HSPG2: variants seen among roughly 807,000 people sequenced by gnomAD.
The protein encoded by HSPG2 is basement membrane-specific heparan sulfate proteoglycan core protein.
HSPG2 carries 278 observed loss-of-function variants against 526.6 expected under a neutral mutation model. The observed-to-expected ratio is 0.53, with a 90% CI of 0.48 to 0.58. The LOEUF (loss-of-function observed/expected upper bound fraction) is 0.58, where lower values mean the gene tolerates loss of function less well. Ranked by LOEUF, HSPG2 falls within the 20% of genes least tolerant of loss-of-function variation. HSPG2 has a pLI of 0.00. For missense variants in HSPG2, 5,354 were observed against 6,099.5 expected (o/e 0.88, Z 4.07); for synonymous variants, 2,465 against 2,555.4 (o/e 0.96, Z 1.07).
rs554139097 is a variant in HSPG2 at position 21,874,357 on chromosome 1, G to T, written c.3656+49C>A. On this transcript the variant is annotated intron_variant, in intron 28 of 96. Transcript: ENST00000374695. ...CTGGATGAAGCGGGTGTGGGAGCGG[G>T]TGGTAGACATTTCAGGGAAGGGCAG... is the stretch of plus-strand genomic sequence containing the variant. 1.9e-6 allele frequency: 3 copies of T among 1,608,496 alleles called. No individual in the cohort carries two copies. The African/African-American group carries it at 4.0e-5, about 21-fold the overall frequency.
rs776352688 is a variant in HSPG2 at position 21,875,879 on chromosome 1, A to G, written c.3167T>C (p.Ile1056Thr). ...EPSPGQPSTF[I>T]VPFREQAWQR... Reference sequence around the variant, plus strand: ...ATTGCTCACCTCCCGGAAAGGCACAATGAAGGTGCTGGGCTGGCCGGGGCT... The same window carrying G: ...ATTGCTCACCTCCCGGAAAGGCACAGTGAAGGTGCTGGGCTGGCCGGGGCT... Residue 1056 changes from isoleucine to threonine, a missense_variant, in exon 24 of 97, where the codon ATT becomes ACT. Ile to Thr is a moderately conservative substitution (Grantham distance 89). Transcript: ENST00000374695. The G allele has an allele frequency of 1.3e-5, 21 of 1,613,954 alleles. No homozygotes were observed. In the Admixed American group the frequency reaches 2.0e-4, roughly 15 times the overall value.
Position 21,847,950 on chromosome 1 carries a change from G to A in HSPG2, c.7873+8C>T, listed in dbSNP as rs1043483206. ...CTTGTCTGTACCCCCTGCCCTCTCT[G>A]CTCTCACCGTGGGAGGAACCGCTGC... On this transcript the variant is annotated splice_region_variant and intron_variant, in intron 60 of 96. Transcript: ENST00000374695. This position sits in a 1 kb window ranked among gnomAD's most constrained non-coding sequence, Gnocchi z 4.1. 1.2e-6 allele frequency: 2 copies of A among 1,613,708 alleles called. No homozygotes were observed. The highest frequency in any genetic ancestry group is 2.7e-5 in the African/African-American group (2 of 74,904).
At chr1:21,925,209 C>T (rs1013290613) in intron 1 of HSPG2, among the ~76,000 whole-genome samples, 3 of 152,312 alleles carry the variant, frequency 2.0e-5, no homozygotes, top group African/African-American at 7.2e-5. Context: ...ACAATGAGCG[C>T]GATGTCAGGC....
Position 21,876,274 on chromosome 1 carries a change from A to G in HSPG2, c.2958T>C (p.Ser986=), listed in dbSNP as rs1271989259. 1 of 1,613,870 alleles carries G rather than the reference A, an allele frequency of 6.2e-7. No homozygotes were observed. Among genetic ancestry groups the G allele is most frequent in the East Asian group, 2.2e-5 (1 of 44,874 alleles). ...LGFSSFHRLL[S]GPYFWSLPSR... ...AAGGGAGGCTCCAGAAGTAGGGTCC[A>G]GATAAGAGTCTGTGGAAGGAGGAGA... The change falls in exon 23 of 97, where the codon TCT becomes TCC. Residue 986 remains serine, a synonymous_variant. Transcript: ENST00000374695.
At chr1:21,925,641 C>T (rs978338387) in intron 1 of HSPG2, among the ~76,000 whole-genome samples, 2 of 152,168 alleles carry the variant, frequency 1.3e-5, no homozygotes, top group African/African-American at 4.8e-5. Flanking sequence ...GTCTGTGAAG[C>T]AGGAACTGGC....
intron 1 of HSPG2, among the ~76,000 whole-genome samples, chr1:21,910,046 A>T (rs1643580992): frequency 6.6e-6 from 1 of 152,134 alleles, no homozygotes; most frequent in East Asian, 1.9e-4. Flanking sequence ...CCTTCCACAG[A>T]AATGCCACCG....
intron 21 of HSPG2, 28 bp from the exon 22 acceptor site, chr1:21,876,680 ACAGCC>A (rs1387054423): frequency 6.2e-7 from 1 of 1,614,022 alleles, no homozygotes; most frequent in South Asian, 1.1e-5. Flanking sequence ...GAGCTGAAGG[ACAGCC>A]CATGGGAGAG....
At chr1:21,827,653 A>G (rs953880106) in intron 91 of HSPG2, among the ~76,000 whole-genome samples, 1 of 152,244 alleles carries the variant, frequency 6.6e-6, no homozygotes, top group African/African-American at 2.4e-5. Context: ...AACTGAGGTC[A>G]GAGTGGTTTC....
Position 21,865,423 on chromosome 1 carries a change from T to G in HSPG2, c.4315-58A>C. The G allele has an allele frequency of 6.8e-7, 1 of 1,475,098 alleles. No homozygotes were observed. The highest frequency in any genetic ancestry group is 9.5e-7 in the Non-Finnish European group (1 of 1,054,690). 91.4% of individuals were successfully genotyped at this position (1,475,098 alleles called of 1,614,324 possible). On this transcript the variant is annotated intron_variant, in intron 34 of 96. Coordinates refer to ENST00000374695, the MANE Select transcript of HSPG2 (RefSeq NM_005529.7). This position sits in a 1 kb window ranked among gnomAD's most constrained non-coding sequence, Gnocchi z 5.4. ...CCGAGGGGTCCCTGGGGTGCCAGGGTGTCCTCCACCAGTCCTAGATTCTCT... is the reference window on the plus strand; with the variant it reads ...CCGAGGGGTCCCTGGGGTGCCAGGGGGTCCTCCACCAGTCCTAGATTCTCT...
chr1:21,830,288 G>T, intron 85 of HSPG2, 197 bp from the exon 86 acceptor site: 1 of 607,086 alleles, frequency 1.6e-6, no homozygotes, highest in Non-Finnish European at 2.9e-6. Context: ...GACTGCAGGG[G>T]AAGCAGTCGA....
chr1:21,842,164 G>A, intron 68 of HSPG2, 22 bp from the exon 69 acceptor site: 1 of 1,613,388 alleles, frequency 6.2e-7, no homozygotes, highest in Non-Finnish European at 8.5e-7. Flanking sequence ...GGGGCAGAGG[G>A]CTGGGCTCAG....
In HSPG2 at chr1:21,876,513, T is replaced by A; in HGVS notation, c.2825A>T (p.Gln942Leu). 6.2e-7 allele frequency: 1 copy of A among 1,614,142 alleles called. No homozygotes were observed. Among genetic ancestry groups the A allele is most frequent in the Non-Finnish European group, 8.5e-7 (1 of 1,180,010 alleles). Residue 942 changes from glutamine to leucine, a missense_variant and splice_region_variant, in exon 22 of 97, where the codon CAG (glutamine) becomes CTG (leucine). Gln to Leu is a moderately radical substitution (Grantham distance 113). Transcript: ENST00000374695. ...HCTSSSWSRAQLHGASEEPGH... is the reference protein window; with the variant it reads ...HCTSSSWSRALLHGASEEPGH... ...TGCCCGCCCACCTTGCAGAGGTACC[T>A]GGGCACGGCTCCATGAAGAGCTGGT...
In HSPG2 at chr1:21,841,282, G is replaced by T. The variant is rs886043121; in HGVS notation, c.9332C>A (p.Pro3111His). The change falls in exon 71 of 97, where the codon CCC (proline) becomes CAC (histidine). Residue 3111 changes from proline to histidine, a missense_variant. Transcript: ENST00000374695. ...CTCGGGGAGCACGGACACTGTAGGG[G>T]GCCCTGTGCGGAGGAATGACAACCA... ...QSVVNLSVHG[P>H]PTVSVLPEGP... 2 of 1,613,646 alleles carry T rather than the reference G, an allele frequency of 1.2e-6. No individual in the cohort carries two copies. The highest frequency in any genetic ancestry group is 1.7e-6 in the Non-Finnish European group (2 of 1,179,940).
intron 86 of HSPG2, 191 bp from the exon 87 acceptor site, chr1:21,829,795 T>TA: frequency 1.4e-6 from 1 of 700,654 alleles, no homozygotes; most frequent in Non-Finnish European, 2.4e-6. Flanking sequence ...GGAGCTCCAA[T>TA]ATGACAGGGG....
intron 1 of HSPG2, among the ~76,000 whole-genome samples, chr1:21,917,224 G>T (rs1643907583): frequency 6.6e-6 from 1 of 151,922 alleles, no homozygotes; most frequent in African/African-American, 2.4e-5. Flanking sequence ...TTGAGCCCAA[G>T]AAGTTTGGGA....
intron 28 of HSPG2, 121 bp downstream of exon 28, chr1:21,874,285 G>A (rs1019605534): frequency 2.6e-5 from 35 of 1,333,914 alleles, no homozygotes; most frequent in Non-Finnish European, 3.5e-5. Context: ...AAGTGACACT[G>A]AGCAGGCAGT....
Position 21,848,577 on chromosome 1 carries a change from T to C in HSPG2, c.7737+66A>G. The C allele has an allele frequency of 2.6e-6, 4 of 1,532,412 alleles. No individual in the cohort carries two copies. The highest frequency in any genetic ancestry group is 3.6e-6 in the Non-Finnish European group (4 of 1,108,572). 94.9% of individuals were successfully genotyped at this position (1,532,412 alleles called of 1,614,324 possible). On this transcript the variant is annotated intron_variant, in intron 59 of 96. Transcript: ENST00000374695. The surrounding 1 kb of genome is among the most constrained non-coding windows in gnomAD (Gnocchi z 4.9). ...TGAGCACAGAGTGAGGTGCTGAGAG[T>C]CCCCCCTCTTCCCATTGGGGGCTGG...
Position 21,824,326 on chromosome 1 carries a change from T to C in HSPG2, c.12795A>G (p.Gln4265=). ...CCTACCTGAAGACAAGGTGCCCGTC[T>C]TGAAGCCCGAGGCTGATGAAGTCCT... ...QGKDFISLGL[Q]DGHLVFRYQL... is the part of the protein sequence containing the mutation. The change falls in exon 94 of 97, where the codon CAA becomes CAG. Residue 4265 remains glutamine, a synonymous_variant. Coordinates refer to ENST00000374695, the MANE Select transcript of HSPG2 (RefSeq NM_005529.7). This position sits in a 1 kb window ranked among gnomAD's most constrained non-coding sequence, Gnocchi z 5.9. The C allele has an allele frequency of 6.2e-7, 1 of 1,613,944 alleles. No homozygotes were observed. Among genetic ancestry groups the C allele is most frequent in the Non-Finnish European group, 8.5e-7 (1 of 1,180,024 alleles).
chr1:21,883,058 G>A (rs182083862), intron 13 of HSPG2, among the ~76,000 whole-genome samples: 1 of 152,128 alleles, frequency 6.6e-6, no homozygotes, highest in Non-Finnish European at 1.5e-5. Context: ...TCCCTCCCCT[G>A]GACCACCCAG....
Sources: allele counts gnomAD v4.1 joint callset (sites outside exome capture counted in the v4.1 genomes callset), GRCh38; gene constraint gnomAD v4.1.1; non-coding constraint Gnocchi (gnomAD v3.1); transcripts MANE v1.5; gene names NCBI Gene and HGNC (gene_info 2026-07-23, HGNC 2026-07-21).